The following SLC2A9 variants were observed in gnomAD, a reference collection of about 807,000 sequenced individuals.
SLC2A9 encodes solute carrier family 2 member 9, also known as solute carrier family 2, facilitated glucose transporter member 9.
Under a neutral mutation model 50.6 loss-of-function variants are expected in SLC2A9, and 39 were observed. The ratio of observed to expected loss-of-function variants is 0.77; its 90% CI spans 0.60 to 1.01. SLC2A9 has a LOEUF of 1.01. SLC2A9 is among the 50% of genes least tolerant of loss of function. The pLI is 0.00. For synonymous variants in SLC2A9, 324 were observed against 276.9 expected (o/e 1.17, Z -1.69); for missense variants, 686 against 677.6 (o/e 1.01, Z -0.14).
intron 8 of SLC2A9, among the ~76,000 whole-genome samples, chr4:9,903,290 C>T (rs1350542985): frequency 6.6e-6 from 1 of 151,352 alleles, no homozygotes. Flanking sequence ...AAGTCAAGAG[C>T]ATATTCCATT....
intron 5 of SLC2A9, among the ~76,000 whole-genome samples, chr4:9,954,318 A>G (rs1275721817): frequency 6.6e-6 from 1 of 152,268 alleles, no homozygotes; most frequent in African/African-American, 2.4e-5. Flanking sequence ...GGCCACAGAC[A>G]TGGGGCTCCC....
At chr4:9,775,030 C>A (rs1486131533), downstream of SLC2A9, among the ~76,000 whole-genome samples, 1 of 152,164 alleles carries the variant, frequency 6.6e-6, no homozygotes, top group Non-Finnish European at 1.5e-5. Context: ...CCTCGGTGGA[C>A]CACTGAGGCC....
At chr4:9,783,308 AACG>A (rs760013973) in intron 3 of SLC2A9, 13 of 1,614,106 alleles carry the variant, frequency 8.1e-6, no homozygotes, top group Middle Eastern at 1.6e-4. Context: ...GGAGGTGGAC[AACG>A]ACGAGGAGGA....
chr4:9,800,164 A>G (rs1205934994), intron 3 of SLC2A9, among the ~76,000 whole-genome samples: 2 of 152,232 alleles, frequency 1.3e-5, no homozygotes, highest in Non-Finnish European at 2.9e-5. Flanking sequence ...AAGCTCAGTT[A>G]CTGGCTAGAA....
At chr4:9,836,195 G>A (rs1440786960) in intron 10 of SLC2A9, among the ~76,000 whole-genome samples, 7 of 151,480 alleles carry the variant, frequency 4.6e-5, no homozygotes, top group Non-Finnish European at 1.0e-4. Context: ...CAAATTGGGT[G>A]AATGTATACT....
At chr4:9,845,857 C>A (rs1471977765) in intron 10 of SLC2A9, among the ~76,000 whole-genome samples, 1 of 152,170 alleles carries the variant, frequency 6.6e-6, no homozygotes, top group African/African-American at 2.4e-5. Context: ...AAAAATAGCT[C>A]TTTTCTTTTA....
chr4:9,879,603 C>G, intron 10 of SLC2A9: 3 of 985,326 alleles, frequency 3.0e-6, no homozygotes, highest in Non-Finnish European at 3.6e-6. Context: ...CCATCAGGAC[C>G]GCTCCATCTT....
chr4:9,841,130 C>A (rs950309), intron 10 of SLC2A9, among the ~76,000 whole-genome samples: 2 of 152,018 alleles, frequency 1.3e-5, no homozygotes, highest in Non-Finnish European at 2.9e-5. Flanking sequence ...TTTCCTATAG[C>A]AACTTTTTGT....
chr4:9,970,577 C>T (rs1035142617), intron 5 of SLC2A9, among the ~76,000 whole-genome samples: 5 of 152,016 alleles, frequency 3.3e-5, no homozygotes, highest in African/African-American at 9.7e-5. Context: ...TGGAACCCAG[C>T]TAGCTGGGTT....
chr4:9,791,627 G>A (rs192992089), intron 3 of SLC2A9, among the ~76,000 whole-genome samples: 14 of 152,300 alleles, frequency 9.2e-5, no homozygotes, highest in African/African-American at 3.1e-4. Context: ...CGTTGTGGGT[G>A]TTCTATGAAG....
At chr4:9,999,189 C>T (rs551031204) in intron 2 of SLC2A9, among the ~76,000 whole-genome samples, 2 of 150,926 alleles carry the variant, frequency 1.3e-5, no homozygotes, top group African/African-American at 2.4e-5. Flanking sequence ...CTGAGACAGA[C>T]GACTACAGGT....
At chr4:10,037,521 T>A (rs919400708) in intron 1 of SLC2A9, among the ~76,000 whole-genome samples, 2 of 152,170 alleles carry the variant, frequency 1.3e-5, no homozygotes, top group African/African-American at 4.8e-5. Flanking sequence ...ACTGAGGCAG[T>A]TGTCTGGGAA....
At chr4:9,863,978 C>T (rs1289028807) in intron 10 of SLC2A9, among the ~76,000 whole-genome samples, 2 of 152,066 alleles carry the variant, frequency 1.3e-5, no homozygotes, top group African/African-American at 4.8e-5. Context: ...CTACACATTC[C>T]TCCCAGAGTG....
intron 6 of SLC2A9, among the ~76,000 whole-genome samples, chr4:9,936,697 G>C (rs1747145784): frequency 6.6e-6 from 1 of 152,146 alleles, no homozygotes; most frequent in African/African-American, 2.4e-5. Flanking sequence ...AGAAATCGGG[G>C]CTCCAGGGGC....
intron 3 of SLC2A9, among the ~76,000 whole-genome samples, chr4:9,789,747 C>T (rs1166458547): frequency 6.6e-6 from 1 of 152,194 alleles, no homozygotes; most frequent in East Asian, 1.9e-4. Flanking sequence ...TAATGAAGTA[C>T]CATTTTGATA....
chr4:9,792,159 G>GTTTTTTTTTTTTTTTTTTTT (rs1228816556), intron 3 of SLC2A9, among the ~76,000 whole-genome samples: 3 of 94,602 alleles, frequency 3.2e-5, no homozygotes, highest in African/African-American at 1.1e-4. Flanking sequence ...TCTATTCTAT[G>GTTTTTTTTTTTTTTTTTTTT]TTTCTTTTTT....
chr4:9,933,011 T>C (rs1198686766), intron 6 of SLC2A9, among the ~76,000 whole-genome samples: 1 of 152,188 alleles, frequency 6.6e-6, no homozygotes, highest in African/African-American at 2.4e-5. Context: ...TCAGCCACGT[T>C]AACGAGAGCA....
At chr4:9,819,256 C>A (rs981082179) in intron 3 of SLC2A9, among the ~76,000 whole-genome samples, 1 of 152,030 alleles carries the variant, frequency 6.6e-6, no homozygotes, top group Admixed American at 6.5e-5. Context: ...TTGATCACCA[C>A]TCTGCTACTC....
intron 8 of SLC2A9, among the ~76,000 whole-genome samples, chr4:9,895,529 G>A (rs930356056): frequency 6.6e-6 from 1 of 152,288 alleles, no homozygotes; most frequent in Non-Finnish European, 1.5e-5. Flanking sequence ...AAATCCTAAT[G>A]CTCCCAGGAA....
Sources: gnomAD v4.1 joint callset for allele counts (sites outside exome capture counted in the v4.1 genomes callset) on GRCh38, gnomAD v4.1.1 for gene constraint, MANE v1.5 for transcripts, NCBI Gene and HGNC (gene_info 2026-07-23, HGNC 2026-07-21) for gene names.